ATG13: variants seen among roughly 807,000 people sequenced by gnomAD.
ATG13 encodes autophagy related 13, also known as autophagy-related protein 13.
A neutral mutation model predicts 65.5 loss-of-function variants in ATG13; 23 were observed. That is an observed-to-expected ratio of 0.35 (90% confidence interval 0.25 to 0.50). The LOEUF is 0.50. ATG13 is among the 20% of genes least tolerant of loss of function. The probability of loss-of-function intolerance (pLI) is 0.98; values close to 1 mark genes in which losing one functional copy is unlikely to be tolerated. For missense variants in ATG13, 566 were observed against 677.0 expected (o/e 0.84, Z 1.82); for synonymous variants, 252 against 245.2 (o/e 1.03, Z -0.26).
chr11:46,644,784 A>T (rs1259849225), intron 3 of ATG13, among the ~76,000 whole-genome samples: 1 of 152,162 alleles, frequency 6.6e-6, no homozygotes, highest in Non-Finnish European at 1.5e-5. Context: ...ATGAGGAATT[A>T]AAATTGAATT....
Position 46,645,398 on chromosome 11 carries a change from T to A in ATG13, c.129T>A (p.Ser43=), listed in dbSNP as rs143855756. 1,206 of 1,613,988 alleles carry A rather than the reference T, an allele frequency of 7.5e-4. 5 individuals are homozygous for A. The African/African-American group carries it at 0.014, about 19-fold the overall frequency. ...AAAAGATTTGCACTCGTTCATCATCTTCTCCAACGGGTTCAGATTGGGTAA... is the reference window on the plus strand; with the variant it reads ...AAAAGATTTGCACTCGTTCATCATCATCTCCAACGGGTTCAGATTGGGTAA... The part of the protein sequence containing the change: ...LGEKICTRSS[S]SPTGSDWFNL... Residue 43 remains serine (S), a synonymous_variant, in exon 4 of 19, where the codon TCT becomes TCA. Transcript: ENST00000683050.
intron 18 of ATG13, 90 bp downstream of exon 18, chr11:46,669,622 TC>T (rs1429287189): frequency 1.4e-6 from 2 of 1,437,140 alleles, no homozygotes; most frequent in African/African-American, 2.9e-5. Context: ...CCTTCTATCT[TC>T]CCTGTAATAG....
chr11:46,651,293 T>G (rs2136466781), intron 7 of ATG13, among the ~76,000 whole-genome samples: 1 of 152,336 alleles, frequency 6.6e-6, no homozygotes, highest in Admixed American at 6.5e-5. Flanking sequence ...TTTGTTCTGG[T>G]TGGTAAACAG....
chr11:46,640,530 C>G (rs1450688952), intron 2 of ATG13, among the ~76,000 whole-genome samples: 1 of 152,144 alleles, frequency 6.6e-6, no homozygotes, highest in Non-Finnish European at 1.5e-5. Context: ...AAGAAGATAT[C>G]TTAGCTAGAG....
intron 2 of ATG13, among the ~76,000 whole-genome samples, chr11:46,630,609 C>G (rs1253243594): frequency 7.4e-6 from 1 of 134,622 alleles, no homozygotes; most frequent in Non-Finnish European, 1.5e-5. Context: ...CCTCTATGAC[C>G]CAGTCTGGAA....
chr11:46,648,507 A>G (rs1177407448), intron 5 of ATG13, among the ~76,000 whole-genome samples: 1 of 151,680 alleles, frequency 6.6e-6, no homozygotes, highest in Non-Finnish European at 1.5e-5. Context: ...GGCCGGGCGC[A>G]GTGGCTTACG....
chr11:46,667,942 C>T (rs1440268226), intron 15 of ATG13, 55 bp downstream of exon 15: 30 of 1,407,678 alleles, frequency 2.1e-5, no homozygotes, highest in Non-Finnish European at 2.8e-5. Context: ...AGAGTAAGGC[C>T]CCACAGGCAG....
intron 2 of ATG13, among the ~76,000 whole-genome samples, chr11:46,641,372 G>T (rs1271165003): frequency 1.5e-4 from 23 of 152,070 alleles, no homozygotes; most frequent in East Asian, 1.9e-4. Flanking sequence ...GCCCGGCCTA[G>T]AATTTATTTT....
intron 9 of ATG13, 117 bp from the exon 10 acceptor site, chr11:46,657,407 A>T: frequency 9.3e-7 from 1 of 1,072,514 alleles, no homozygotes; most frequent in Non-Finnish European, 1.4e-6. Flanking sequence ...AGGGATTGTG[A>T]TAGTTAAAGC....
chr11:46,643,313 T>C (rs1054361794), intron 2 of ATG13, among the ~76,000 whole-genome samples: 3 of 152,142 alleles, frequency 2.0e-5, no homozygotes, highest in African/African-American at 7.2e-5. Context: ...CTACTACTTT[T>C]ATACATGTTT....
In ATG13 at chr11:46,672,473, GT is replaced by G; in HGVS notation, c.*142del. On this transcript the variant is annotated 3_prime_UTR_variant, in exon 19 of 19. Transcript: ENST00000683050. ...TGGCTTCTCCCATGGGGACCCAGAAGTCCCTACTCTTGGACCTCCTGGAGAC... is the reference window on the plus strand; with the variant it reads ...TGGCTTCTCCCATGGGGACCCAGAAGCCCTACTCTTGGACCTCCTGGAGAC... 1.3e-6 allele frequency: 2 copies of G among 1,538,912 alleles called. No homozygotes were observed. The highest frequency in any genetic ancestry group is 4.5e-5 in the East Asian group (2 of 43,992).
intron 2 of ATG13, among the ~76,000 whole-genome samples, chr11:46,630,567 G>GTTTTTT (rs1591546997): frequency 1.0e-5 from 1 of 95,244 alleles, no homozygotes; most frequent in Non-Finnish European, 1.9e-5. Flanking sequence ...GAAATTAGAG[G>GTTTTTT]CTTTTTTTTT....
At chr11:46,664,277 T>C (rs2061802380) in intron 12 of ATG13, 182 bp downstream of exon 12, 1 of 526,330 alleles carries the variant, frequency 1.9e-6, no homozygotes, top group Non-Finnish European at 3.3e-6. Context: ...TAGGGAATTT[T>C]CATCTGCCCC....
chr11:46,633,026 ATTTT>A (rs746504456), intron 2 of ATG13, among the ~76,000 whole-genome samples: 10 of 90,706 alleles, frequency 1.1e-4, no homozygotes, highest in South Asian at 3.7e-4. Flanking sequence ...ATATATATAT[ATTTT>A]TTTTTTTTTT....
chr11:46,653,180 C>CT (rs1226638713), intron 7 of ATG13, among the ~76,000 whole-genome samples: 4,687 of 132,650 alleles, frequency 0.035, 184 homozygotes, highest in African/African-American at 0.09. Context: ...CATTTCTTTT[C>CT]TTTTTTTTTT....
At position 46,674,493 on chromosome 11, in the gene ATG13, T is replaced by C. The variant is rs2064370877; in HGVS notation, c.*2161T>C. On this transcript the variant is annotated 3_prime_UTR_variant, in exon 19 of 19. Transcript: ENST00000683050. ...CACTTCAAAATGTATTCAAGGGATT[T>C]CCAATAAATTTTTTTCTGTACTTTA... 6.6e-6 allele frequency: 1 copy of C among 152,188 alleles called. No individual in the cohort carries two copies. Among genetic ancestry groups the C allele is most frequent in the Non-Finnish European group, 1.5e-5 (1 of 68,046 alleles). The allele number at this position is 152,188 out of a possible 1,614,324, so 9.4% of individuals were successfully genotyped here.
chr11:46,649,739 A>G (rs557984944), intron 6 of ATG13, among the ~76,000 whole-genome samples: 17 of 152,362 alleles, frequency 1.1e-4, no homozygotes, highest in South Asian at 8.3e-4. Context: ...TGATAAGTAT[A>G]TGTGGTGGAC....
At chr11:46,642,176 C>T (rs1390751934) in intron 2 of ATG13, among the ~76,000 whole-genome samples, 2 of 152,026 alleles carry the variant, frequency 1.3e-5, no homozygotes, top group African/African-American at 4.8e-5. Context: ...GTCTGGCTTC[C>T]CTGTTTTTGT....
intron 7 of ATG13, among the ~76,000 whole-genome samples, chr11:46,651,139 A>T (rs1263316232): frequency 6.6e-6 from 1 of 152,236 alleles, no homozygotes; most frequent in Non-Finnish European, 1.5e-5. Flanking sequence ...CTTAAGAACT[A>T]TACAGAGGCC....
Sources: gnomAD v4.1 joint callset for allele counts (sites outside exome capture counted in the v4.1 genomes callset) on GRCh38, gnomAD v4.1.1 for gene constraint, MANE v1.5 for transcripts, NCBI Gene and HGNC (gene_info 2026-07-23, HGNC 2026-07-21) for gene names.